The following SLC25A26 variants were observed in gnomAD, a reference collection of about 807,000 sequenced individuals.
The protein encoded by SLC25A26 is mitochondrial S-adenosylmethionine carrier protein.
SLC25A26 carries 36 observed loss-of-function variants against 37.8 expected under a neutral mutation model. The ratio of observed to expected loss-of-function variants is 0.95; its 90% CI spans 0.73 to 1.26. The LOEUF is 1.26. Ranked by LOEUF, SLC25A26 falls within the 50% of genes most tolerant of loss-of-function variation. The pLI is 0.00. For synonymous variants in SLC25A26, 129 were observed against 122.5 expected, an observed-to-expected ratio of 1.05 and a Z score of -0.35; for missense variants, 390 against 331.1, an observed-to-expected ratio of 1.18 and a Z score of -1.38.
chr3:66,169,936 A>G (rs545511588), intron 1 of SLC25A26, among the ~76,000 whole-genome samples: 68 of 152,302 alleles, frequency 4.5e-4, no homozygotes, highest in African/African-American at 1.5e-3. Flanking sequence ...GAGAAGAGCA[A>G]TAATTTTCCT....
chr3:66,361,263 A>G (rs1348838726), intron 6 of SLC25A26, among the ~76,000 whole-genome samples: 6 of 152,254 alleles, frequency 3.9e-5, no homozygotes, highest in Admixed American at 3.9e-4. Flanking sequence ...GATGATAGAT[A>G]CAAATGTAAA....
At chr3:66,134,714 C>T (rs1286345469) in intron 1 of SLC25A26, among the ~76,000 whole-genome samples, 3 of 152,188 alleles carry the variant, frequency 2.0e-5, no homozygotes, top group African/African-American at 7.2e-5. Flanking sequence ...TGGAAAAAGT[C>T]TTGGAAATGT....
chr3:66,344,292 G>A (rs6809220), intron 5 of SLC25A26, among the ~76,000 whole-genome samples: 7,467 of 152,010 alleles, frequency 0.049, 225 homozygotes, highest in Admixed American at 0.058. Context: ...GTGAAACCCC[G>A]TCTCTACTAA....
At chr3:66,211,935 C>A (rs1057451937) in intron 1 of SLC25A26, among the ~76,000 whole-genome samples, 5 of 152,168 alleles carry the variant, frequency 3.3e-5, no homozygotes, top group African/African-American at 1.2e-4. Context: ...ATTTTTTCAT[C>A]TTCCCCAACT....
chr3:66,320,495 A>G (rs985915787), intron 5 of SLC25A26, among the ~76,000 whole-genome samples: 11 of 152,258 alleles, frequency 7.2e-5, no homozygotes, highest in South Asian at 2.1e-4. Context: ...GTTAATGGTC[A>G]CCCGGGTTGT....
chr3:66,188,054 C>T (rs1042935362), intron 1 of SLC25A26, among the ~76,000 whole-genome samples: 6 of 152,232 alleles, frequency 3.9e-5, no homozygotes, highest in Middle Eastern at 3.4e-3. Flanking sequence ...ATCATCTTGA[C>T]CCTGAGACTC....
At chr3:66,352,117 T>A (rs1158400798) in intron 6 of SLC25A26, among the ~76,000 whole-genome samples, 1 of 151,974 alleles carries the variant, frequency 6.6e-6, no homozygotes, top group Non-Finnish European at 1.5e-5. Context: ...GGATTGGTGG[T>A]GCATACCTGT....
chr3:66,242,478 T>A (rs1191891829), intron 2 of SLC25A26, among the ~76,000 whole-genome samples: 4 of 152,210 alleles, frequency 2.6e-5, no homozygotes, highest in Non-Finnish European at 5.9e-5. Flanking sequence ...ATCAAGCTGT[T>A]TTCCTTAGTG....
intron 5 of SLC25A26, among the ~76,000 whole-genome samples, chr3:66,281,749 A>G (rs182886196): frequency 6.6e-6 from 1 of 151,588 alleles, no homozygotes; most frequent in African/African-American, 2.4e-5. Context: ...TGATACTTAA[A>G]CTGTCCCATA....
intron 1 of SLC25A26, among the ~76,000 whole-genome samples, chr3:66,193,781 T>C (rs2070991045): frequency 6.6e-6 from 1 of 152,208 alleles, no homozygotes; most frequent in Admixed American, 6.5e-5. Context: ...AAACTCATGG[T>C]AATGCTTTGG....
rs144876048 is a variant in SLC25A26 at position 66,333,191 on chromosome 3, A to G, written c.454-13173A>G. Among the ~76,000 whole-genome samples the G allele has an allele frequency of 8.5e-5, 13 of 152,304 alleles. No homozygotes were observed. The East Asian group carries it at 2.5e-3, about 29-fold the overall frequency. On this transcript the variant is annotated intron_variant, in intron 5 of 9. Coordinates refer to ENST00000354883, the MANE Select transcript of SLC25A26 (RefSeq NM_001379210.1). Reference sequence around the variant, plus strand: ...AATAACATGAGCTCTTTTAATCGGCAGACCAAGGTCTTTCTTTGGCCCAAG... The same window carrying G: ...AATAACATGAGCTCTTTTAATCGGCGGACCAAGGTCTTTCTTTGGCCCAAG...
chr3:66,330,567 C>G (rs1396756977), intron 5 of SLC25A26, among the ~76,000 whole-genome samples: 2 of 145,904 alleles, frequency 1.4e-5, no homozygotes, highest in Non-Finnish European at 3.0e-5. Flanking sequence ...TTTATCCTAA[C>G]TTGTGCCTTG....
At chr3:66,160,121 G>T (rs1435275265) in intron 1 of SLC25A26, among the ~76,000 whole-genome samples, 1 of 152,030 alleles carries the variant, frequency 6.6e-6, no homozygotes, top group African/African-American at 2.4e-5. Flanking sequence ...TCATGCCTCA[G>T]CCTCCCAAGT....
At chr3:66,216,385 C>T (rs1665075513), upstream of SLC25A26, among the ~76,000 whole-genome samples, 1 of 152,050 alleles carries the variant, frequency 6.6e-6, no homozygotes, top group Admixed American at 6.6e-5. Flanking sequence ...TGTGGCATGC[C>T]TCTGTAGTCC....
chr3:66,176,791 G>A (rs543284390), intron 1 of SLC25A26, among the ~76,000 whole-genome samples: 1 of 152,104 alleles, frequency 6.6e-6, no homozygotes, highest in Admixed American at 6.5e-5. Flanking sequence ...TGTAGAATCC[G>A]ATGAGTGTTT....
At chr3:66,290,721 T>C (rs2074676147) in intron 5 of SLC25A26, among the ~76,000 whole-genome samples, 1 of 152,226 alleles carries the variant, frequency 6.6e-6, no homozygotes, top group African/African-American at 2.4e-5. Flanking sequence ...TTTGCCAGTA[T>C]ATTATTGAGG....
rs997254456 is a variant in SLC25A26, at chr3:66,187,599, C to T, written c.-353-33143C>T. ...CTGAACCTTAACTGACCCTGACAGT[C>T]AACCTAATCTTTCCTCTGAAACCCT... On this transcript the variant is annotated intron_variant, in intron 1 of 10. Transcript: ENST00000676754. 2.1e-3 allele frequency among the ~76,000 whole-genome samples: 326 copies of T among 152,168 alleles called. 1 individual carries two copies. The highest frequency in any genetic ancestry group is 4.1e-3 in the Non-Finnish European group (276 of 68,002).
At chr3:66,289,761 C>T (rs1165916845) in intron 5 of SLC25A26, among the ~76,000 whole-genome samples, 2 of 152,294 alleles carry the variant, frequency 1.3e-5, no homozygotes, top group African/African-American at 4.8e-5. Context: ...GTGATGCCTC[C>T]AGCTTTGTTC....
intron 9 of SLC25A26, 58 bp downstream of exon 9, chr3:66,370,660 C>A: frequency 2.8e-6 from 4 of 1,420,000 alleles, no homozygotes; most frequent in Non-Finnish European, 3.9e-6. Context: ...CCTCCTTTAG[C>A]CTAACTTTGG....
Sources: gnomAD v4.1 joint callset for allele counts (sites outside exome capture counted in the v4.1 genomes callset) on GRCh38, gnomAD v4.1.1 for gene constraint, MANE v1.5 for transcripts, NCBI Gene and HGNC (gene_info 2026-07-23, HGNC 2026-07-21) for gene names.